DGKB: variants seen among roughly 807,000 people sequenced by gnomAD.
The protein encoded by DGKB is 90 kDa diacylglycerol kinase.
Under a neutral mutation model 114.3 loss-of-function variants are expected in DGKB, and 67 were observed. That is an observed-to-expected ratio of 0.59 (90% CI 0.48 to 0.72). The LOEUF (loss-of-function observed/expected upper bound fraction) is 0.72, where lower values mean the gene tolerates loss of function less well. DGKB is among the 30% of genes least tolerant of loss of function. DGKB has a pLI of 0.00. For synonymous variants in DGKB, 398 were observed against 323.1 expected, an observed-to-expected ratio of 1.23 and a Z score of -2.49; for missense variants, 907 against 975.2, an observed-to-expected ratio of 0.93 and a Z score of 0.93.
chr7:14,467,834 T>C (rs946974736), intron 21 of DGKB, among the ~76,000 whole-genome samples: 1 of 152,144 alleles, frequency 6.6e-6, no homozygotes, highest in African/African-American at 2.4e-5. Flanking sequence ...TATAATTAGT[T>C]CCAATTAGCC....
chr7:14,632,393 T>G (rs2128851770), intron 13 of DGKB, among the ~76,000 whole-genome samples: 1 of 151,682 alleles, frequency 6.6e-6, no homozygotes, highest in East Asian at 1.9e-4. Flanking sequence ...CAGCTTTATA[T>G]ATATATATAC....
chr7:14,754,501 C>T (rs1723222), intron 3 of DGKB, among the ~76,000 whole-genome samples: 53,988 of 151,722 alleles, frequency 0.36, 13,282 homozygotes, highest in African/African-American at 0.69. Context: ...TATTTCTATA[C>T]ACATCTGCCA....
At chr7:14,571,763 G>A (rs146660354) in intron 20 of DGKB, among the ~76,000 whole-genome samples, 1 of 152,278 alleles carries the variant, frequency 6.6e-6, no homozygotes. Context: ...GTGACCATAT[G>A]GATGCGATGA....
rs58879064 is a variant in DGKB, at chr7:14,553,865, C to CTTTTTTTTTTTTT, written c.1770+20334_1770+20346dup. On this transcript the variant is annotated intron_variant, in intron 20 of 25. Coordinates refer to ENST00000402815, the MANE Select transcript of DGKB (RefSeq NM_001350709.2). ...ATATATTTGTGTGCTCCTTTACATG[C>CTTTTTTTTTTTTT]TTTTTTTTTTTTTTTTTTTTTTTTT... Among the ~76,000 whole-genome samples the CTTTTTTTTTTTTT allele has an allele frequency of 1.1e-4, 8 of 71,208 alleles. 2 individuals carry two copies. Among genetic ancestry groups the CTTTTTTTTTTTTT allele is most frequent in the East Asian group, 8.3e-4 (2 of 2,408 alleles). The allele number at this position is 71,208 out of a possible 152,430, so 46.7% of individuals were successfully genotyped here. A position where few individuals can be genotyped will look rare whatever the true frequency, so the allele number is the denominator to read the frequency against.
chr7:14,834,470 A>G lies in DGKB; in HGVS notation c.70+6724T>C, dbSNP rs565709386. On this transcript the variant is annotated intron_variant, in intron 2 of 25. Coordinates refer to ENST00000402815, the MANE Select transcript of DGKB (RefSeq NM_001350709.2). ...TATGGTCATGTGAATTGCTTAGGCCAAAGAAATATTAGCGTATCACTTGCA... is the reference window on the plus strand; with the variant it reads ...TATGGTCATGTGAATTGCTTAGGCCGAAGAAATATTAGCGTATCACTTGCA... Among the ~76,000 whole-genome samples, 4 of 152,284 alleles carry G rather than the reference A, an allele frequency of 2.6e-5. No homozygotes were observed. The East Asian group carries it at 7.7e-4, about 29-fold the overall frequency.
Position 14,957,850 on chromosome 7 carries a change from A to C in DGKB, c.-188+16846T>G, listed in dbSNP as rs150048628. On this transcript the variant is annotated intron_variant, in intron 1 of 4. Transcript: ENST00000437998. ...TAAATGGATTCATTTATAGAGTCTT[A>C]AATGAATGATACAAATAAAAAGATA... Among the ~76,000 whole-genome samples, 225 of 152,234 alleles carry C rather than the reference A, an allele frequency of 1.5e-3. 4 individuals are homozygous for C. The highest frequency in any genetic ancestry group is 8.4e-4 in the Non-Finnish European group (57 of 68,008).
At chr7:14,276,899 G>A (rs951604010) in intron 23 of DGKB, among the ~76,000 whole-genome samples, 5 of 151,618 alleles carry the variant, frequency 3.3e-5, no homozygotes, top group East Asian at 3.9e-4. Context: ...AATTGTATAC[G>A]TATATATGGG....
At chr7:14,962,544 A>C (rs556322520) in intron 1 of DGKB, among the ~76,000 whole-genome samples, 5 of 152,190 alleles carry the variant, frequency 3.3e-5, no homozygotes, top group African/African-American at 1.2e-4. Context: ...ACTCATTCAA[A>C]ATGTAATGAA....
intron 21 of DGKB, among the ~76,000 whole-genome samples, chr7:14,477,512 G>T (rs1782358610): frequency 6.6e-6 from 1 of 152,160 alleles, no homozygotes; most frequent in Non-Finnish European, 1.5e-5. Flanking sequence ...GTGAGGTGGA[G>T]AGAGCCATAT....
intron 1 of DGKB, among the ~76,000 whole-genome samples, chr7:14,966,497 C>T (rs920028261): frequency 2.6e-5 from 4 of 151,914 alleles, no homozygotes; most frequent in Admixed American, 2.6e-4. Flanking sequence ...GACAGGGTCT[C>T]ACCATGTCGC....
At chr7:14,580,426 G>A (rs990329559) in intron 19 of DGKB, among the ~76,000 whole-genome samples, 29 of 152,180 alleles carry the variant, frequency 1.9e-4, no homozygotes, top group African/African-American at 6.0e-4. Flanking sequence ...AGCATAGAGT[G>A]AGTCTCAAAA....
At chr7:14,940,408 A>T (rs947006114) in intron 1 of DGKB, among the ~76,000 whole-genome samples, 13 of 152,032 alleles carry the variant, frequency 8.6e-5, no homozygotes, top group African/African-American at 3.1e-4. Context: ...ATTGAGTACA[A>T]TTTTTTTGTA....
intron 2 of DGKB, among the ~76,000 whole-genome samples, chr7:14,830,509 G>C (rs1267562140): frequency 6.6e-6 from 1 of 152,054 alleles, no homozygotes; most frequent in Non-Finnish European, 1.5e-5. Context: ...GTAGTTACTA[G>C]CATTTTATTC....
intron 23 of DGKB, among the ~76,000 whole-genome samples, chr7:14,205,390 T>C (rs1176140509): frequency 6.6e-6 from 1 of 151,874 alleles, no homozygotes; most frequent in Non-Finnish European, 1.5e-5. Context: ...CTATCTCTTT[T>C]CTTATGTTTT....
chr7:14,645,667 A>G (rs1408962731), intron 13 of DGKB, among the ~76,000 whole-genome samples: 1 of 152,002 alleles, frequency 6.6e-6, no homozygotes, highest in Non-Finnish European at 1.5e-5. Flanking sequence ...TATGGTCAGA[A>G]GAGCATGAGA....
chr7:14,556,429 C>T (rs2116312), intron 20 of DGKB, among the ~76,000 whole-genome samples: 92,150 of 151,882 alleles, frequency 0.61, 28,210 homozygotes, highest in East Asian at 0.84. Flanking sequence ...GATTTCTCTA[C>T]ATAAACATTT....
At chr7:14,445,678 C>T (rs144161774) in intron 21 of DGKB, among the ~76,000 whole-genome samples, 2 of 152,042 alleles carry the variant, frequency 1.3e-5, no homozygotes, top group East Asian at 3.9e-4. Context: ...ATAATGATTA[C>T]AGTTTCTGAT....
intron 1 of DGKB, among the ~76,000 whole-genome samples, chr7:14,962,636 TTGTGTGTGTGTGTG>T (rs71004348): frequency 4.2e-5 from 6 of 141,940 alleles, no homozygotes; most frequent in Non-Finnish European, 6.2e-5. Flanking sequence ...GTGTGTGTGT[TTGTGTGTGTGTGTG>T]TGTGTGTGTG....
chr7:14,867,029 T>C (rs541591777), intron 1 of DGKB, among the ~76,000 whole-genome samples: 70 of 152,326 alleles, frequency 4.6e-4, no homozygotes, highest in Non-Finnish European at 7.8e-4. Flanking sequence ...GTATATTTTC[T>C]TTGGTTAAGT....
Sources: allele counts gnomAD v4.1 joint callset (sites outside exome capture counted in the v4.1 genomes callset), GRCh38; gene constraint gnomAD v4.1.1; transcripts MANE v1.5; gene names NCBI Gene and HGNC (gene_info 2026-07-23, HGNC 2026-07-21).